The following RPRD2 variants were observed in gnomAD, a reference collection of about 807,000 sequenced individuals.
The protein encoded by RPRD2 is regulation of nuclear pre-mRNA domain containing 2.
A neutral mutation model predicts 104.4 loss-of-function variants in RPRD2; 12 were observed. That is an observed-to-expected ratio of 0.11 (90% CI 0.07 to 0.19). The LOEUF (loss-of-function observed/expected upper bound fraction) is 0.19, where lower values mean the gene tolerates loss of function less well. Among genes scored for constraint, RPRD2 ranks in the 10% least tolerant of loss-of-function variants. RPRD2 has a pLI of 1.00. For missense variants in RPRD2, 1,543 were observed against 1,790.1 expected, an observed-to-expected ratio of 0.86 and a Z score of 2.49; for synonymous variants, 714 against 684.9, an observed-to-expected ratio of 1.04 and a Z score of -0.66.
At chr1:150,378,503 G>C (rs1254649573) in intron 1 of RPRD2, among the ~76,000 whole-genome samples, 1 of 152,110 alleles carries the variant, frequency 6.6e-6, no homozygotes, top group Non-Finnish European at 1.5e-5. Context: ...CATGGACAGT[G>C]TGGTATATAC....
rs781916290 is a variant in RPRD2 at position 150,457,503 on chromosome 1, G to A, written c.1086G>A (p.Val362=). The A allele has an allele frequency of 5.6e-6, 9 of 1,613,866 alleles. 2 individuals carry two copies. The South Asian group carries it at 9.9e-5, about 18-fold the overall frequency. The part of the protein sequence containing the change: ...ESEKSATPEP[V]TDNRDVEDME... ...AGAAATCTGCCACACCTGAACCTGT[G>A]ACAGATAATCGTGATGTGGAAGACA... Residue 362 remains valine (V), a synonymous_variant, in exon 8 of 11, where the codon GTG becomes GTA. Coordinates refer to ENST00000369068, the MANE Select transcript of RPRD2 (RefSeq NM_015203.5).
At chr1:150,437,590 T>C (rs1553893440) in intron 2 of RPRD2, among the ~76,000 whole-genome samples, 2 of 152,140 alleles carry the variant, frequency 1.3e-5, no homozygotes, top group Non-Finnish European at 2.9e-5. Context: ...TTTATTGGTT[T>C]GTTTTTAGAG....
intron 2 of RPRD2, among the ~76,000 whole-genome samples, chr1:150,438,206 C>A (rs1230130922): frequency 6.6e-6 from 1 of 152,116 alleles, no homozygotes; most frequent in Non-Finnish European, 1.5e-5. Flanking sequence ...AGAAGAATCG[C>A]TTGAACTTGG....
intron 8 of RPRD2, among the ~76,000 whole-genome samples, chr1:150,459,766 G>T (rs1161014449): frequency 6.6e-6 from 1 of 151,904 alleles, no homozygotes; most frequent in African/African-American, 2.4e-5. Flanking sequence ...CTAATTTTTT[G>T]TATTTTTTGT....
intron 1 of RPRD2, among the ~76,000 whole-genome samples, chr1:150,383,945 T>C (rs1661344851): frequency 6.6e-6 from 1 of 152,138 alleles, no homozygotes; most frequent in Admixed American, 6.6e-5. Context: ...CAGTACAAAT[T>C]TGTACTTTGT....
At chr1:150,453,332 C>CA (rs1667326164) in intron 7 of RPRD2, among the ~76,000 whole-genome samples, 1 of 151,968 alleles carries the variant, frequency 6.6e-6, no homozygotes, top group South Asian at 2.1e-4. Context: ...CGCCTGGCCT[C>CA]AGTGTTTTTA....
intron 10 of RPRD2, among the ~76,000 whole-genome samples, chr1:150,467,900 TCA>T (rs1668380899): frequency 6.6e-6 from 1 of 151,634 alleles, no homozygotes; most frequent in African/African-American, 2.4e-5. Context: ...GTGTGGTGGG[TCA>T]CACCTGTAAT....
intron 9 of RPRD2, among the ~76,000 whole-genome samples, chr1:150,464,237 G>T (rs1163595131): frequency 6.6e-6 from 1 of 152,036 alleles, no homozygotes; most frequent in Non-Finnish European, 1.5e-5. Context: ...TCGAACTCCT[G>T]ACCTCAGGTG....
In RPRD2 at chr1:150,444,264, T is replaced by C; in HGVS notation, c.581T>C (p.Ile194Thr). 2 of 1,613,428 alleles carry C rather than the reference T, an allele frequency of 1.2e-6. No homozygotes were observed. The highest frequency in any genetic ancestry group is 1.7e-6 in the Non-Finnish European group (2 of 1,179,676). ...IVAEFRSQAL[I>T]EELLLYKRSE... The stretch of plus-strand genomic sequence containing the variant: ...GTCTGTGTTTAGTCTCAGGCCCTAA[T>C]TGAAGAGCTGTTGCTATACAAGCGC... Residue 194 changes from isoleucine to threonine, a missense_variant, in exon 6 of 11, where the codon ATT (isoleucine) becomes ACT (threonine). Transcript: ENST00000369068.
chr1:150,364,722 CCGG>C lies in RPRD2; in HGVS notation c.18_20del (p.Gly8del). 6.4e-7 allele frequency: 1 copy of C among 1,565,904 alleles called. No individual in the cohort carries two copies. Among genetic ancestry groups the C allele is most frequent in the Non-Finnish European group, 8.7e-7 (1 of 1,154,564 alleles). On this transcript the variant is annotated inframe_deletion, in exon 1 of 11. Coordinates refer to ENST00000369068, the MANE Select transcript of RPRD2 (RefSeq NM_015203.5). ...CTTGTGCAAACCGGGAAGATGGCGGCCGGCGGCGGCGGAGGCAGCAGTAAGGCC... is the reference window on the plus strand; with the variant it reads ...CTTGTGCAAACCGGGAAGATGGCGGCCGGCGGCGGAGGCAGCAGTAAGGCC...
intron 7 of RPRD2, among the ~76,000 whole-genome samples, chr1:150,456,792 G>C (rs1667560885): frequency 6.7e-6 from 1 of 149,760 alleles, no homozygotes; most frequent in African/African-American, 2.5e-5. Context: ...GGGTGTGGTG[G>C]TGCACGCCTA....
chr1:150,413,281 CAGAT>C (rs1380379477), intron 1 of RPRD2, among the ~76,000 whole-genome samples: 6 of 152,044 alleles, frequency 3.9e-5, no homozygotes, highest in African/African-American at 9.7e-5. Flanking sequence ...AGAGTAGTAA[CAGAT>C]AGAAAAAGAG....
chr1:150,465,367 C>T (rs1204300620), intron 10 of RPRD2, among the ~76,000 whole-genome samples: 2 of 152,210 alleles, frequency 1.3e-5, no homozygotes, highest in African/African-American at 4.8e-5. Context: ...GTCCACCCAC[C>T]TCAGCCTCCC....
chr1:150,450,872 A>T (rs587654025), intron 7 of RPRD2, among the ~76,000 whole-genome samples: 2 of 152,074 alleles, frequency 1.3e-5, no homozygotes, highest in South Asian at 4.2e-4. Context: ...CGGCCTCTTA[A>T]GGTGCTGGGA....
chr1:150,426,790 T>C (rs1486132449), intron 2 of RPRD2, among the ~76,000 whole-genome samples: 2 of 152,262 alleles, frequency 1.3e-5, no homozygotes, highest in South Asian at 2.1e-4. Flanking sequence ...TCTGGAGATA[T>C]GGATGGTGGT....
At chr1:150,416,872 C>CA (rs782463847) in intron 1 of RPRD2, among the ~76,000 whole-genome samples, 5,031 of 72,058 alleles carry the variant, frequency 0.07, 412 homozygotes, top group African/African-American at 0.17. Flanking sequence ...ACTCCATCTC[C>CA]AAAAAAAAAA....
intron 1 of RPRD2, among the ~76,000 whole-genome samples, chr1:150,373,832 T>A (rs1660509398): frequency 6.6e-6 from 1 of 152,022 alleles, no homozygotes; most frequent in Non-Finnish European, 1.5e-5. Context: ...CTGGAAGAGA[T>A]CAACTAGAGA....
At chr1:150,467,264 A>G (rs1371198893) in intron 10 of RPRD2, among the ~76,000 whole-genome samples, 5 of 152,204 alleles carry the variant, frequency 3.3e-5, no homozygotes, top group African/African-American at 9.6e-5. Flanking sequence ...GCCCCTATCT[A>G]TTGGCATCAG....
rs1668174804 is a variant in RPRD2, at chr1:150,465,024, A to G, written c.1612+297A>G. On this transcript the variant is annotated intron_variant, in intron 10 of 10. Transcript: ENST00000369068. Reference sequence around the variant, plus strand: ...GCTGGGATTACAGGCCCACACCACCATGTCTGGCTAATTTTTGTATTTTTA... The same window carrying G: ...GCTGGGATTACAGGCCCACACCACCGTGTCTGGCTAATTTTTGTATTTTTA... Among the ~76,000 whole-genome samples the G allele has an allele frequency of 4.6e-5, 7 of 152,028 alleles. No individual in the cohort carries two copies. The South Asian group carries it at 1.2e-3, about 27-fold the overall frequency.
Sources: allele counts gnomAD v4.1 joint callset (sites outside exome capture counted in the v4.1 genomes callset), GRCh38; gene constraint gnomAD v4.1.1; transcripts MANE v1.5; gene names NCBI Gene and HGNC (gene_info 2026-07-23, HGNC 2026-07-21).